Variants in TTC27 observed in about 807,000 individuals in gnomAD.
TTC27 encodes tetratricopeptide repeat domain 27.
A neutral mutation model predicts 115.9 loss-of-function variants in TTC27; 79 were observed. The ratio of observed to expected loss-of-function variants is 0.68; its 90% CI spans 0.57 to 0.82. The LOEUF is 0.82. Ranked by LOEUF, TTC27 falls within the 40% of genes least tolerant of loss-of-function variation. The probability of loss-of-function intolerance (pLI) is 0.00; values close to 1 mark genes in which losing one functional copy is unlikely to be tolerated. For missense variants in TTC27, 1,054 were observed against 993.1 expected, an observed-to-expected ratio of 1.06 and a Z score of -0.82; for synonymous variants, 401 against 356.0, an observed-to-expected ratio of 1.13 and a Z score of -1.42.
rs148749264 is a variant in TTC27 at position 32,808,427 on chromosome 2, C to T, written c.1999-2597C>T. ...GGCCATTGAACATGCAGATGGGGAGCGTGAAACAAATTGGTTATTGCCTCC... is the reference window on the plus strand; with the variant it reads ...GGCCATTGAACATGCAGATGGGGAGTGTGAAACAAATTGGTTATTGCCTCC... On this transcript the variant is annotated intron_variant, in intron 16 of 19. Coordinates refer to ENST00000317907, the MANE Select transcript of TTC27 (RefSeq NM_017735.5). Among the ~76,000 whole-genome samples the T allele has an allele frequency of 5.7e-4, 87 of 152,204 alleles. 1 individual carries two copies. The highest frequency in any genetic ancestry group is 2.0e-3 in the African/African-American group (84 of 41,530).
chr2:32,669,078 CA>C (rs1000077863), intron 7 of TTC27, among the ~76,000 whole-genome samples: 33 of 141,936 alleles, frequency 2.3e-4, no homozygotes, highest in Admixed American at 3.5e-4. Context: ...GACTCCATCT[CA>C]AAAAAAAAAA....
At chr2:32,737,040 ATTTCT>A (rs1257803710) in intron 12 of TTC27, among the ~76,000 whole-genome samples, 2 of 152,246 alleles carry the variant, frequency 1.3e-5, no homozygotes, top group African/African-American at 4.8e-5. Flanking sequence ...TGGGATTTTG[ATTTCT>A]TTCCTTTACT....
intron 16 of TTC27, among the ~76,000 whole-genome samples, chr2:32,802,698 C>T (rs1670994971): frequency 1.3e-5 from 2 of 152,190 alleles, no homozygotes; most frequent in Admixed American, 6.5e-5. Context: ...ACACCAGCTG[C>T]TGCATCCTAA....
intron 17 of TTC27, among the ~76,000 whole-genome samples, chr2:32,811,822 T>G (rs1297758217): frequency 1.3e-5 from 2 of 152,216 alleles, no homozygotes; most frequent in East Asian, 3.8e-4. Context: ...TTATGTTTCT[T>G]TTCAAAACAC....
At chr2:32,769,372 C>G (rs1328851800) in intron 13 of TTC27, among the ~76,000 whole-genome samples, 1 of 152,196 alleles carries the variant, frequency 6.6e-6, no homozygotes, top group Admixed American at 6.5e-5. Flanking sequence ...CATTCAAAAA[C>G]AGATTCAGGA....
At chr2:32,762,830 C>T (rs1175100549) in intron 13 of TTC27, among the ~76,000 whole-genome samples, 5 of 152,050 alleles carry the variant, frequency 3.3e-5, no homozygotes, top group Admixed American at 6.6e-5. Context: ...TTAGTAGAAA[C>T]GGGGTTTCGC....
intron 9 of TTC27, among the ~76,000 whole-genome samples, chr2:32,698,812 T>C (rs1356610648): frequency 6.6e-6 from 1 of 152,162 alleles, no homozygotes; most frequent in Non-Finnish European, 1.5e-5. Context: ...AAAAATATTT[T>C]AAGTAGTGTT....
At chr2:32,723,156 A>T (rs1429046048) in intron 10 of TTC27, among the ~76,000 whole-genome samples, 2 of 152,232 alleles carry the variant, frequency 1.3e-5, no homozygotes, top group African/African-American at 4.8e-5. Context: ...TTTCAAAGGC[A>T]CTAAATAATA....
chr2:32,757,363 T>C (rs74555876), intron 12 of TTC27, among the ~76,000 whole-genome samples: 9,627 of 152,258 alleles, frequency 0.063, 551 homozygotes, highest in African/African-American at 0.15. Context: ...AGTAAACCTC[T>C]CTTCGGTGCC....
intron 12 of TTC27, among the ~76,000 whole-genome samples, chr2:32,751,444 G>C (rs1669012137): frequency 6.6e-6 from 1 of 152,204 alleles, no homozygotes; most frequent in African/African-American, 2.4e-5. Context: ...TACTGTAGTA[G>C]CACTTAGTAG....
intron 4 of TTC27, among the ~76,000 whole-genome samples, chr2:32,648,887 A>G (rs1486515827): frequency 6.6e-6 from 1 of 152,096 alleles, no homozygotes; most frequent in Admixed American, 6.6e-5. Context: ...TGACATGGCC[A>G]GTAGTCCTAG....
chr2:32,689,055 G>GTGT (rs1355826651), intron 9 of TTC27, among the ~76,000 whole-genome samples: 1 of 152,010 alleles, frequency 6.6e-6, no homozygotes, highest in Admixed American at 6.6e-5. Flanking sequence ...ACTGATAAAT[G>GTGT]CAACAGCATG....
intron 9 of TTC27, among the ~76,000 whole-genome samples, chr2:32,691,999 A>C (rs1169352784): frequency 7.2e-6 from 1 of 138,548 alleles, no homozygotes; most frequent in Admixed American, 7.5e-5. Flanking sequence ...CAGTGTGCTA[A>C]TTCTGAATGT....
At chr2:32,792,130 T>C (rs569049733) in intron 16 of TTC27, among the ~76,000 whole-genome samples, 3 of 152,326 alleles carry the variant, frequency 2.0e-5, no homozygotes, top group African/African-American at 7.2e-5. Context: ...ACAGTATGTA[T>C]TCTTGCATAT....
At chr2:32,688,795 G>GTCAC (rs1666721751) in intron 9 of TTC27, among the ~76,000 whole-genome samples, 1 of 152,092 alleles carries the variant, frequency 6.6e-6, no homozygotes, top group Non-Finnish European at 1.5e-5. Context: ...AATGCAAAAT[G>GTCAC]TCACAACTGC....
intron 5 of TTC27, among the ~76,000 whole-genome samples, chr2:32,662,224 T>A (rs985212706): frequency 8.5e-5 from 13 of 152,148 alleles, no homozygotes; most frequent in Non-Finnish European, 1.8e-4. Context: ...TGGCCTGAAA[T>A]TTTCTTTTTT....
chr2:32,682,717 G>A (rs1056371588), intron 9 of TTC27, among the ~76,000 whole-genome samples: 81 of 147,028 alleles, frequency 5.5e-4, no homozygotes, highest in African/African-American at 1.9e-3. Flanking sequence ...CGCCCAGGCT[G>A]GAATGCAATG....
chr2:32,774,038 G>A (rs999112635), intron 13 of TTC27, among the ~76,000 whole-genome samples: 2 of 152,066 alleles, frequency 1.3e-5, no homozygotes, highest in Non-Finnish European at 2.9e-5. Context: ...TCACATCTTT[G>A]AATTCACATC....
intron 12 of TTC27, among the ~76,000 whole-genome samples, chr2:32,754,891 C>G (rs1669159791): frequency 1.3e-5 from 2 of 150,042 alleles, no homozygotes; most frequent in Admixed American, 1.3e-4. Context: ...CCCCCCACCT[C>G]CCTCCCGGAC....
Sources: allele counts gnomAD v4.1 joint callset (sites outside exome capture counted in the v4.1 genomes callset), GRCh38; gene constraint gnomAD v4.1.1; transcripts MANE v1.5; gene names NCBI Gene and HGNC (gene_info 2026-07-23, HGNC 2026-07-21).